INPP4B: variants seen among roughly 807,000 people sequenced by gnomAD.
The protein encoded by INPP4B is inositol polyphosphate 4-phosphatase type II.
Under a neutral mutation model 122.5 loss-of-function variants are expected in INPP4B, and 55 were observed. The ratio of observed to expected loss-of-function variants is 0.45; its 90% CI spans 0.36 to 0.56. The LOEUF (loss-of-function observed/expected upper bound fraction) is 0.56. Among genes scored for constraint, INPP4B ranks in the 20% least tolerant of loss-of-function variants. INPP4B has a pLI of 0.00. For missense variants in INPP4B, 1,000 were observed against 1,097.7 expected, an observed-to-expected ratio of 0.91 and a Z score of 1.26; for synonymous variants, 403 against 388.7, an observed-to-expected ratio of 1.04 and a Z score of -0.43.
chr4:142,073,924 C>T (rs1769016421), intron 25 of INPP4B, among the ~76,000 whole-genome samples: 1 of 151,960 alleles, frequency 6.6e-6, no homozygotes, highest in Admixed American at 6.6e-5. Flanking sequence ...CATCAATCAT[C>T]TCTCTAATCA....
At chr4:142,250,712 AGTCTCATCT>A (rs1731554240) in intron 11 of INPP4B, among the ~76,000 whole-genome samples, 1 of 152,142 alleles carries the variant, frequency 6.6e-6, no homozygotes, top group African/African-American at 2.4e-5. Context: ...ACTTTCATTT[AGTCTCATCT>A]TCCCCTGATA....
chr4:142,430,580 A>C (rs1222952931), intron 4 of INPP4B, among the ~76,000 whole-genome samples: 1 of 152,094 alleles, frequency 6.6e-6, no homozygotes, highest in Non-Finnish European at 1.5e-5. Context: ...TTAAATACAA[A>C]AGAAAACATA....
chr4:142,352,853 C>T (rs1482802378), intron 7 of INPP4B, among the ~76,000 whole-genome samples: 1 of 151,802 alleles, frequency 6.6e-6, no homozygotes, highest in East Asian at 1.9e-4. Flanking sequence ...GAGGCAATAT[C>T]CTATAAAAGT....
intron 1 of INPP4B, among the ~76,000 whole-genome samples, chr4:142,837,092 G>T (rs1253842888): frequency 6.6e-6 from 1 of 151,768 alleles, no homozygotes; most frequent in Non-Finnish European, 1.5e-5. Context: ...GGAGGCGGAG[G>T]TTACAGTGAG....
At chr4:142,837,043 G>A (rs1364009997) in intron 1 of INPP4B, among the ~76,000 whole-genome samples, 1 of 151,918 alleles carries the variant, frequency 6.6e-6, no homozygotes, top group Non-Finnish European at 1.5e-5. Context: ...GCACGTGCCT[G>A]TAATCCCAGC....
intron 1 of INPP4B, among the ~76,000 whole-genome samples, chr4:142,834,058 AT>A (rs1305772385): frequency 6.6e-6 from 1 of 152,158 alleles, no homozygotes; most frequent in African/African-American, 2.4e-5. Context: ...ATCAAATTTA[AT>A]TTTAAAGGCA....
intron 22 of INPP4B, among the ~76,000 whole-genome samples, chr4:142,111,782 CG>C (rs1414164540): frequency 2.0e-5 from 3 of 151,916 alleles, no homozygotes; most frequent in African/African-American, 7.3e-5. Flanking sequence ...CTCGCTCTGC[CG>C]CCCAGGCTAG....
At chr4:142,445,474 C>T (rs1812709101) in intron 3 of INPP4B, among the ~76,000 whole-genome samples, 1 of 152,116 alleles carries the variant, frequency 6.6e-6, no homozygotes, top group Non-Finnish European at 1.5e-5. Context: ...CTAACATGCA[C>T]ATTATATAAT....
intron 2 of INPP4B, among the ~76,000 whole-genome samples, chr4:142,656,575 C>T (rs943907315): frequency 5.9e-5 from 9 of 152,100 alleles, no homozygotes; most frequent in Non-Finnish European, 1.0e-4. Flanking sequence ...CTAAGGATCC[C>T]GCACAGCTGG....
intron 3 of INPP4B, among the ~76,000 whole-genome samples, chr4:142,459,657 GA>G (rs950881244): frequency 1.3e-5 from 2 of 152,022 alleles, no homozygotes; most frequent in African/African-American, 4.8e-5. Context: ...ATCAATGAAT[GA>G]AAAAAATCAC....
chr4:142,253,854 C>T (rs1014918468), intron 11 of INPP4B, among the ~76,000 whole-genome samples: 1 of 152,206 alleles, frequency 6.6e-6, no homozygotes, highest in African/African-American at 2.4e-5. Context: ...GAGCCCACCA[C>T]AGCTCAAGGA....
chr4:142,434,124 A>T (rs1246215090), intron 3 of INPP4B, among the ~76,000 whole-genome samples: 1 of 152,152 alleles, frequency 6.6e-6, no homozygotes, highest in East Asian at 1.9e-4. Flanking sequence ...AGTCCAGTGT[A>T]AAAAATGGCA....
intron 12 of INPP4B, among the ~76,000 whole-genome samples, chr4:142,232,806 A>G (rs1276491434): frequency 6.6e-6 from 1 of 152,202 alleles, no homozygotes; most frequent in Non-Finnish European, 1.5e-5. Context: ...GTGAATACAC[A>G]AATAATAAGA....
At chr4:142,778,787 G>C (rs1774329802) in intron 1 of INPP4B, among the ~76,000 whole-genome samples, 1 of 152,094 alleles carries the variant, frequency 6.6e-6, no homozygotes. Flanking sequence ...ACCTTCCAAG[G>C]ATGTAGAGGG....
chr4:142,223,088 T>A (rs561560279), intron 12 of INPP4B, among the ~76,000 whole-genome samples: 13 of 152,184 alleles, frequency 8.5e-5, no homozygotes, highest in African/African-American at 3.1e-4. Context: ...CTGAGGAAAC[T>A]GAAAATTAGA....
intron 10 of INPP4B, among the ~76,000 whole-genome samples, chr4:142,267,035 A>G (rs985646792): frequency 2.0e-5 from 3 of 152,192 alleles, no homozygotes; most frequent in African/African-American, 7.2e-5. Flanking sequence ...AAACTATAAA[A>G]CATTAATGAA....
chr4:142,757,448 C>T (rs1770668518), intron 1 of INPP4B, among the ~76,000 whole-genome samples: 1 of 152,140 alleles, frequency 6.6e-6, no homozygotes, highest in South Asian at 2.1e-4. Flanking sequence ...ATCCCTTCTT[C>T]CCTGAAACTC....
At chr4:142,277,445 T>C (rs1261193833) in intron 9 of INPP4B, among the ~76,000 whole-genome samples, 2 of 151,920 alleles carry the variant, frequency 1.3e-5, no homozygotes, top group Non-Finnish European at 2.9e-5. Flanking sequence ...TTGGTGGGAA[T>C]GTAAACTAGT....
rs980998893 is a variant in INPP4B, at chr4:142,024,964, T to G, written c.*3818A>C. 1 of 152,072 alleles carries G rather than the reference T, an allele frequency of 6.6e-6. No homozygotes were observed. Among genetic ancestry groups the G allele is most frequent in the African/African-American group, 2.4e-5 (1 of 41,430 alleles). The allele number at this position is 152,072 out of a possible 1,614,324, so 9.4% of individuals were successfully genotyped here. On this transcript the variant is annotated 3_prime_UTR_variant, in exon 26 of 26. Coordinates refer to ENST00000262992, the MANE Select transcript of INPP4B (RefSeq NM_001101669.3). ...TGACTTTTAACCTAATAGGAGTCTTTAAAGAAGGTAAAAACCAAAACATTT... is the reference window on the plus strand; with the variant it reads ...TGACTTTTAACCTAATAGGAGTCTTGAAAGAAGGTAAAAACCAAAACATTT...
Sources: gnomAD v4.1 joint callset for allele counts (sites outside exome capture counted in the v4.1 genomes callset) on GRCh38, gnomAD v4.1.1 for gene constraint, MANE v1.5 for transcripts, NCBI Gene and HGNC (gene_info 2026-07-23, HGNC 2026-07-21) for gene names.